RIMBP2: variants seen among roughly 807,000 people sequenced by gnomAD.
The protein encoded by RIMBP2 is RIMS-binding protein 2.
RIMBP2 carries 48 observed loss-of-function variants against 118.6 expected under a neutral mutation model. The ratio of observed to expected loss-of-function variants is 0.40; its 90% confidence interval spans 0.32 to 0.51. The LOEUF is 0.51. RIMBP2 is among the 20% of genes least tolerant of loss of function. The probability of loss-of-function intolerance (pLI) is 0.41; values close to 1 mark genes in which losing one functional copy is unlikely to be tolerated. For synonymous variants in RIMBP2, 762 were observed against 742.9 expected, an observed-to-expected ratio of 1.03 and a Z score of -0.42; for missense variants, 1,551 against 1,768.3, an observed-to-expected ratio of 0.88 and a Z score of 2.20.
At chr12:130,660,742 T>C (rs1049327724) in intron 1 of RIMBP2, 2 of 152,170 alleles carry the variant, frequency 1.3e-5, no homozygotes, top group Non-Finnish European at 2.9e-5. Flanking sequence ...GTTTCTCTGA[T>C]TGAGCATTTG....
At chr12:130,542,856 T>C (rs1347146957) in intron 2 of RIMBP2, among the ~76,000 whole-genome samples, 1 of 152,228 alleles carries the variant, frequency 6.6e-6, no homozygotes, top group African/African-American at 2.4e-5. Flanking sequence ...TTTATGAGGA[T>C]GCTTTAAAAA....
intron 6 of RIMBP2, among the ~76,000 whole-genome samples, chr12:130,460,571 T>C (rs2079887518): frequency 6.6e-6 from 1 of 152,126 alleles, no homozygotes; most frequent in Non-Finnish European, 1.5e-5. Flanking sequence ...GCAGCAGCAA[T>C]ATTGGTATTA....
At chr12:130,504,995 C>T (rs1445710394) in intron 4 of RIMBP2, among the ~76,000 whole-genome samples, 1 of 152,190 alleles carries the variant, frequency 6.6e-6, no homozygotes, top group Non-Finnish European at 1.5e-5. Context: ...CAGGGATTCA[C>T]GGCACACCCT....
At chr12:130,677,162 G>C (rs775054689) in intron 1 of RIMBP2, among the ~76,000 whole-genome samples, 22 of 152,178 alleles carry the variant, frequency 1.4e-4, no homozygotes, top group Non-Finnish European at 2.9e-4. Context: ...CTGGTGGGTA[G>C]AGGCCAGGGA....
chr12:130,675,533 CCG>C (rs2064417761), intron 1 of RIMBP2, among the ~76,000 whole-genome samples: 8 of 220 alleles, frequency 0.036, no homozygotes, highest in Non-Finnish European at 0.15. Flanking sequence ...CCACTCCCTT[CCG>C]TCCACCCCCA....
chr12:130,501,217 C>T (rs2049741975), intron 4 of RIMBP2, among the ~76,000 whole-genome samples: 1 of 152,218 alleles, frequency 6.6e-6, no homozygotes, highest in Non-Finnish European at 1.5e-5. Context: ...TCTCCCCACC[C>T]TGCCTTGCTG....
At chr12:130,457,754 C>T (rs1207260661) in intron 6 of RIMBP2, among the ~76,000 whole-genome samples, 1 of 152,248 alleles carries the variant, frequency 6.6e-6, no homozygotes, top group Non-Finnish European at 1.5e-5. Flanking sequence ...CTTCGATACT[C>T]TGCATGGACT....
chr12:130,425,482 G>C (rs556306938), intron 15 of RIMBP2: 1 of 152,536 alleles, frequency 6.6e-6, no homozygotes, highest in East Asian at 1.9e-4. Flanking sequence ...ATCGTGCAGA[G>C]TCTGTGTCAG....
rs987528704 is a variant in RIMBP2 at position 130,407,723 on chromosome 12, T to C, written c.3693+3A>G. On this transcript the variant is annotated splice_donor_region_variant and intron_variant, in intron 20 of 22. Transcript: ENST00000690449. ...GTCATGAAGTGCAGTGTTTGGCTGGTACCTCGACATCGACGTTGGGCGAGC... is the reference window on the plus strand; with the variant it reads ...GTCATGAAGTGCAGTGTTTGGCTGGCACCTCGACATCGACGTTGGGCGAGC... The C allele has an allele frequency of 6.2e-7, 1 of 1,611,768 alleles. No homozygotes were observed. Among genetic ancestry groups the C allele is most frequent in the African/African-American group, 1.3e-5 (1 of 74,868 alleles).
Position 130,571,416 on chromosome 12 carries a change from A to ACATTTTT in RIMBP2, c.-216-53500_-216-53499insAAAAATG, listed in dbSNP as rs386378267. ...GTGTGCTACTGCTACCCATAGTAAC[A>ACATTTTT]TTTTTTTTTTTTTTTTTTTTGGAGA... On this transcript the variant is annotated intron_variant, in intron 2 of 22. Transcript: ENST00000690449. 4.8e-5 allele frequency among the ~76,000 whole-genome samples: 5 copies of ACATTTTT among 104,298 alleles called. 1 individual carries two copies. The allele number at this position is 104,298 out of a possible 152,430, so 68.4% of individuals were successfully genotyped here. A position where few individuals can be genotyped will look rare whatever the true frequency, so the allele number is the denominator to read the frequency against.
intron 4 of RIMBP2, among the ~76,000 whole-genome samples, chr12:130,489,247 A>G (rs1282071166): frequency 6.6e-6 from 1 of 152,230 alleles, no homozygotes; most frequent in Non-Finnish European, 1.5e-5. Flanking sequence ...AGCAATACGC[A>G]TCGGATAGAA....
intron 19 of RIMBP2, among the ~76,000 whole-genome samples, chr12:130,408,867 C>T (rs1287777800): frequency 6.6e-6 from 1 of 152,166 alleles, no homozygotes; most frequent in East Asian, 1.9e-4. Context: ...TGGTTTTCAG[C>T]AGGTACAGGG....
chr12:130,477,953 G>A (rs1430048603), intron 5 of RIMBP2, among the ~76,000 whole-genome samples: 1 of 152,186 alleles, frequency 6.6e-6, no homozygotes, highest in Non-Finnish European at 1.5e-5. Flanking sequence ...GGGGACACTG[G>A]GCTCTGGAAG....
At chr12:130,667,050 AGG>A in intron 1 of RIMBP2, among the ~76,000 whole-genome samples, 1 of 112,768 alleles carries the variant, frequency 8.9e-6, no homozygotes, top group African/African-American at 3.5e-5. Context: ...GAAGGGAGGG[AGG>A]GAGAAAAGGA....
chr12:130,443,055 C>T (rs754613239), intron 10 of RIMBP2, among the ~76,000 whole-genome samples: 10 of 152,092 alleles, frequency 6.6e-5, no homozygotes, highest in African/African-American at 1.9e-4. Flanking sequence ...GTTAGAAGGA[C>T]GAGTCAGTCA....
At chr12:130,702,204 C>G (rs1013716328) in intron 1 of RIMBP2, among the ~76,000 whole-genome samples, 5 of 152,178 alleles carry the variant, frequency 3.3e-5, no homozygotes, top group African/African-American at 1.2e-4. Flanking sequence ...ATTGCCTCCA[C>G]CACCAAGAGC....
At chr12:130,531,079 G>C (rs986759383) in intron 2 of RIMBP2, among the ~76,000 whole-genome samples, 7 of 152,206 alleles carry the variant, frequency 4.6e-5, no homozygotes, top group African/African-American at 7.2e-5. Flanking sequence ...TGTGTCCTTA[G>C]TTTAGATCCA....
At chr12:130,699,516 G>A (rs2065739428) in intron 1 of RIMBP2, among the ~76,000 whole-genome samples, 1 of 146,066 alleles carries the variant, frequency 6.8e-6, no homozygotes, top group African/African-American at 2.5e-5. Context: ...CTCATAGGTG[G>A]GAACTGAACA....
chr12:130,641,131 G>A (rs1212141802), intron 1 of RIMBP2, among the ~76,000 whole-genome samples: 1 of 152,102 alleles, frequency 6.6e-6, no homozygotes, highest in Non-Finnish European at 1.5e-5. Context: ...TGCTCTACTC[G>A]CAGCCACTGG....
Sources: allele counts gnomAD v4.1 joint callset (sites outside exome capture counted in the v4.1 genomes callset), GRCh38; gene constraint gnomAD v4.1.1; transcripts MANE v1.5; gene names NCBI Gene and HGNC (gene_info 2026-07-23, HGNC 2026-07-21).